Variants in LZTS1 observed in about 807,000 individuals in gnomAD.
LZTS1 encodes the protein leucine zipper tumor suppressor 1, also known as leucine zipper putative tumor suppressor 1.
Under a neutral mutation model 45.8 loss-of-function variants are expected in LZTS1, and 31 were observed. That is an observed-to-expected ratio of 0.68 (90% CI 0.51 to 0.91). The LOEUF is 0.91. Ranked by LOEUF, LZTS1 falls within the 40% of genes least tolerant of loss-of-function variation. The probability of loss-of-function intolerance (pLI) is 0.00; values close to 1 mark genes in which losing one functional copy is unlikely to be tolerated. For missense variants in LZTS1, 821 were observed against 788.9 expected (o/e 1.04, Z -0.49); for synonymous variants, 359 against 357.3 (o/e 1.00, Z -0.05).
At chr8:20,265,702 A>AAAAAAAG (rs1800340689) in intron 1 of LZTS1, among the ~76,000 whole-genome samples, 3 of 146,612 alleles carry the variant, frequency 2.0e-5, no homozygotes, top group East Asian at 4.1e-4. Flanking sequence ...AAAAAAAAAA[A>AAAAAAAG]GGCAGGGGAG....
chr8:20,279,532 T>C (rs1036863802), intron 1 of LZTS1, among the ~76,000 whole-genome samples: 1 of 151,878 alleles, frequency 6.6e-6, no homozygotes, highest in Non-Finnish European at 1.5e-5. Flanking sequence ...AGACCCCCCA[T>C]GTCTACAAAA....
chr8:20,289,022 T>C (rs1343330495), intron 1 of LZTS1, among the ~76,000 whole-genome samples: 1 of 138,292 alleles, frequency 7.2e-6, no homozygotes, highest in East Asian at 2.4e-4. Context: ...ATATGGGACT[T>C]GGTGACTTAA....
intron 1 of LZTS1, among the ~76,000 whole-genome samples, chr8:20,270,050 T>C (rs1800441221): frequency 6.6e-6 from 1 of 152,162 alleles, no homozygotes; most frequent in South Asian, 2.1e-4. Flanking sequence ...CCTTCCTGAG[T>C]GGGCAAGACC....
In LZTS1 at chr8:20,252,947, C is replaced by G; in HGVS notation, c.984G>C (p.Gln328His). Residue 328 changes from glutamine to histidine, a missense_variant, in exon 3 of 4, where the codon CAG becomes CAC. Coordinates refer to ENST00000381569, the MANE Select transcript of LZTS1 (RefSeq NM_021020.5). ...KQASQKSQRA[Q>H]QVLHLQVLQL... ...GCAGTACCTGCAGGTGCAGGACCTG[C>G]TGCGCGCGCTGGCTCTTCTGCGAGG... 6.3e-7 allele frequency: 1 copy of G among 1,598,008 alleles called. No homozygotes were observed. The highest frequency in any genetic ancestry group is 8.5e-7 in the Non-Finnish European group (1 of 1,174,366).
At position 20,259,179 on chromosome 8, in the gene LZTS1, G is replaced by A. The variant is rs530511330; in HGVS notation, c.-134-3864C>T. ...AGACCAGACCATCAGCTGTGGCATC[G>A]GCAGGAGTTTGATTTGAAAATCAAT... On this transcript the variant is annotated intron_variant, in intron 1 of 3. Transcript: ENST00000381569. Among the ~76,000 whole-genome samples the A allele has an allele frequency of 2.6e-5, 4 of 152,190 alleles. No individual in the cohort carries two copies. In the East Asian group the frequency reaches 7.7e-4, roughly 29 times the overall value.
chr8:20,267,876 C>T (rs1011145110), intron 1 of LZTS1, among the ~76,000 whole-genome samples: 1 of 152,138 alleles, frequency 6.6e-6, no homozygotes, highest in African/African-American at 2.4e-5. Context: ...GACAAAAGAT[C>T]CCAGACCGAC....
chr8:20,251,707 G>C (rs1012094481), intron 3 of LZTS1, among the ~76,000 whole-genome samples: 1 of 152,178 alleles, frequency 6.6e-6, no homozygotes, highest in African/African-American at 2.4e-5. Context: ...ATGTGGATTG[G>C]GCTCTGCATC....
chr8:20,280,122 C>T (rs1021137409), intron 1 of LZTS1, among the ~76,000 whole-genome samples: 1 of 152,110 alleles, frequency 6.6e-6, no homozygotes, highest in African/African-American at 2.4e-5. Context: ...AAAGTGCTTG[C>T]TCTTATTCCC....
intron 1 of LZTS1, among the ~76,000 whole-genome samples, chr8:20,265,014 T>C (rs1469164540): frequency 6.6e-6 from 1 of 152,128 alleles, no homozygotes; most frequent in East Asian, 1.9e-4. Context: ...CTCACGGTGC[T>C]GCTTGAATCA....
At chr8:20,283,984 C>T (rs562125136) in intron 1 of LZTS1, among the ~76,000 whole-genome samples, 1 of 152,300 alleles carries the variant, frequency 6.6e-6, no homozygotes, top group African/African-American at 2.4e-5. Flanking sequence ...CAGGGTTGCC[C>T]AAGCAATAGA....
At chr8:20,277,171 G>T (rs556981582) in intron 1 of LZTS1, among the ~76,000 whole-genome samples, 1 of 152,282 alleles carries the variant, frequency 6.6e-6, no homozygotes, top group African/African-American at 2.4e-5. Flanking sequence ...AGTGACCTCT[G>T]GTCGTGCTCA....
chr8:20,301,456 C>T (rs1172151518), intron 1 of LZTS1, among the ~76,000 whole-genome samples: 1 of 152,150 alleles, frequency 6.6e-6, no homozygotes, highest in Non-Finnish European at 1.5e-5. Context: ...ATCCATTACA[C>T]TGGTCTATAA....
chr8:20,287,897 CAAAAAAAAAAA>C (rs34653802), intron 1 of LZTS1, among the ~76,000 whole-genome samples: 16 of 54,118 alleles, frequency 3.0e-4, no homozygotes, highest in Admixed American at 1.1e-3. Flanking sequence ...GCACTCCAGC[CAAAAAAAAAAA>C]AAAAAAAAAA....
At chr8:20,260,863 T>C (rs1258146141) in intron 1 of LZTS1, among the ~76,000 whole-genome samples, 1 of 152,166 alleles carries the variant, frequency 6.6e-6, no homozygotes, top group Non-Finnish European at 1.5e-5. Context: ...CCCCAGGTCT[T>C]GACACACAGA....
chr8:20,292,239 G>A (rs1428114982), intron 1 of LZTS1, among the ~76,000 whole-genome samples: 1 of 152,230 alleles, frequency 6.6e-6, no homozygotes, highest in Non-Finnish European at 1.5e-5. Context: ...GTGTGTCTGA[G>A]ATTGAGGGAT....
intron 1 of LZTS1, among the ~76,000 whole-genome samples, chr8:20,260,897 T>A (rs1800214801): frequency 6.6e-6 from 1 of 151,908 alleles, no homozygotes; most frequent in Non-Finnish European, 1.5e-5. Context: ...TTGAGGAGAG[T>A]TTGGGATCCA....
intron 1 of LZTS1, among the ~76,000 whole-genome samples, chr8:20,273,001 T>G (rs1482470844): frequency 6.6e-6 from 1 of 152,208 alleles, no homozygotes; most frequent in Non-Finnish European, 1.5e-5. Context: ...CAGAACATCA[T>G]ACTCACTATT....
At chr8:20,265,643 C>T (rs1349383277) in intron 1 of LZTS1, among the ~76,000 whole-genome samples, 4 of 132,726 alleles carry the variant, frequency 3.0e-5, no homozygotes, top group Non-Finnish European at 6.2e-5. Context: ...CATGCCACTG[C>T]ACTCCAGCCT....
intron 1 of LZTS1, among the ~76,000 whole-genome samples, chr8:20,260,673 T>G (rs1300662802): frequency 6.6e-6 from 1 of 152,126 alleles, no homozygotes; most frequent in Admixed American, 6.5e-5. Flanking sequence ...CCAACAAGAT[T>G]GTAGGCACTC....
Sources: allele counts gnomAD v4.1 joint callset (sites outside exome capture counted in the v4.1 genomes callset), GRCh38; gene constraint gnomAD v4.1.1; transcripts MANE v1.5; gene names NCBI Gene and HGNC (gene_info 2026-07-23, HGNC 2026-07-21).